The following PCDH15 variants were observed in gnomAD, a reference collection of about 807,000 sequenced individuals.
PCDH15 encodes the protein protocadherin related 15.
In PCDH15, 129 loss-of-function variants were observed where a neutral mutation model predicts 178.5. The observed-to-expected ratio is 0.72, with a 90% confidence interval of 0.63 to 0.84. The LOEUF (loss-of-function observed/expected upper bound fraction) is 0.84. PCDH15 is among the 40% of genes least tolerant of loss of function. The probability of loss-of-function intolerance (pLI) is 0.00; values close to 1 mark genes in which losing one functional copy is unlikely to be tolerated. For synonymous variants in PCDH15, 800 were observed against 732.0 expected (o/e 1.09, Z -1.50); for missense variants, 2,230 against 2,099.9 (o/e 1.06, Z -1.21).
chr10:54,317,327 T>C lies in PCDH15; in HGVS notation c.820A>G (p.Thr274Ala), dbSNP rs1300869851. 1.2e-6 allele frequency: 2 copies of C among 1,613,778 alleles called. No homozygotes were observed. Among genetic ancestry groups the C allele is most frequent in the Non-Finnish European group, 1.7e-6 (2 of 1,179,890 alleles). ...TAAGTGAGTGGACGGCAATCACGAG[T>C]GTTTGGCACAAGGACACAAGGAAGA... ...MFLPCVLVPN[T>A]RDCRPLTYQA... Residue 274 changes from threonine (T) to alanine (A), a missense_variant, in exon 8 of 38, where the codon ACT becomes GCT. Coordinates refer to ENST00000644397, the MANE Select transcript of PCDH15 (RefSeq NM_001384140.1).
At chr10:54,807,309 A>T (rs920422723) in intron 3 of PCDH15, among the ~76,000 whole-genome samples, 1 of 152,208 alleles carries the variant, frequency 6.6e-6, no homozygotes, top group Admixed American at 6.5e-5. Context: ...GAGAAAAAAG[A>T]ATAATATGAG....
chr10:54,926,794 T>C (rs1837639364), intron 2 of PCDH15, among the ~76,000 whole-genome samples: 2 of 152,108 alleles, frequency 1.3e-5, no homozygotes, highest in Non-Finnish European at 2.9e-5. Context: ...AGGTCTCTGG[T>C]AATATCCCAT....
At chr10:54,140,410 C>T (rs1012563978) in intron 14 of PCDH15, among the ~76,000 whole-genome samples, 2 of 151,112 alleles carry the variant, frequency 1.3e-5, no homozygotes, top group African/African-American at 2.4e-5. Context: ...CTGGGTAACA[C>T]TGTAAAGCCA....
chr10:54,722,173 A>G (rs1941729033), intron 1 of PCDH15, among the ~76,000 whole-genome samples: 1 of 151,830 alleles, frequency 6.6e-6, no homozygotes, highest in Admixed American at 6.6e-5. Flanking sequence ...ACACCCCTTT[A>G]TGATGAAAAC....
intron 2 of PCDH15, among the ~76,000 whole-genome samples, chr10:55,335,200 C>A (rs1844350305): frequency 6.6e-6 from 1 of 152,050 alleles, no homozygotes; most frequent in African/African-American, 2.4e-5. Flanking sequence ...ATAAGTTAAT[C>A]AATGACCTCC....
At chr10:54,829,066 G>A (rs1953180118) in intron 3 of PCDH15, among the ~76,000 whole-genome samples, 1 of 151,840 alleles carries the variant, frequency 6.6e-6, no homozygotes, top group Non-Finnish European at 1.5e-5. Context: ...AAGAGGGAGA[G>A]GAAATTAGGT....
chr10:54,251,712 T>A (rs1792147562), intron 8 of PCDH15, among the ~76,000 whole-genome samples: 1 of 152,184 alleles, frequency 6.6e-6, no homozygotes, highest in Admixed American at 6.5e-5. Context: ...CTACTACCAT[T>A]GTCCTATCAA....
chr10:55,513,045 T>C (rs1005549597), intron 2 of PCDH15: 3 of 152,150 alleles, frequency 2.0e-5, no homozygotes, highest in Admixed American at 6.6e-5. Context: ...TGGTGATTAA[T>C]TGATTGACTG....
rs375851741 is a variant in PCDH15, at chr10:53,931,058, G to C, written c.3373+7757C>G. Among the ~76,000 whole-genome samples, 581 of 152,290 alleles carry C rather than the reference G, an allele frequency of 3.8e-3. 1 individual carries two copies. The highest frequency in any genetic ancestry group is 0.014 in the African/African-American group (566 of 41,564). On this transcript the variant is annotated intron_variant, in intron 25 of 37. Transcript: ENST00000644397. The stretch of plus-strand genomic sequence containing the variant: ...AGAGATAAAATGTAGGGAGTCTAGA[G>C]GGCCAGAAAGTTTGAGTGCAGGAAG...
At chr10:53,940,238 C>T (rs949974298) in intron 24 of PCDH15, among the ~76,000 whole-genome samples, 18 of 152,062 alleles carry the variant, frequency 1.2e-4, no homozygotes, top group Admixed American at 9.2e-4. Flanking sequence ...ACAGGTAAAA[C>T]AAAAATTAAT....
chr10:55,580,586 C>A (rs942514931), intron 2 of PCDH15, among the ~76,000 whole-genome samples: 1 of 151,982 alleles, frequency 6.6e-6, no homozygotes, highest in Admixed American at 6.6e-5. Flanking sequence ...TGGTCTCAAA[C>A]GCCTGACCTC....
At chr10:54,094,058 G>A (rs1164996024) in intron 15 of PCDH15, among the ~76,000 whole-genome samples, 2 of 152,104 alleles carry the variant, frequency 1.3e-5, no homozygotes, top group Non-Finnish European at 1.5e-5. Flanking sequence ...GGAGATTCTG[G>A]AGCCAGCTAC....
At chr10:54,220,729 G>T (rs918904791) in intron 9 of PCDH15, among the ~76,000 whole-genome samples, 1 of 151,766 alleles carries the variant, frequency 6.6e-6, no homozygotes, top group Non-Finnish European at 1.5e-5. Flanking sequence ...GGAGGCTGAC[G>T]CAGGAGAATG....
intron 26 of PCDH15, among the ~76,000 whole-genome samples, chr10:53,878,495 A>C (rs953785284): frequency 7.2e-6 from 1 of 139,844 alleles, no homozygotes; most frequent in African/African-American, 2.9e-5. Flanking sequence ...TAAATATATA[A>C]TATATTATAT....
chr10:54,268,871 C>G lies in PCDH15; in HGVS notation c.877-31940G>C, dbSNP rs532708739. 1.1e-4 allele frequency among the ~76,000 whole-genome samples: 16 copies of G among 151,916 alleles called. 1 individual carries two copies. In the East Asian group the frequency reaches 3.1e-3, roughly 29 times the overall value. ...ATGAACAGGATTTTTCAATAACTAT[C>G]AGACGAAGAATGTCTATGACTTATT... On this transcript the variant is annotated intron_variant, in intron 8 of 37. Transcript: ENST00000644397.
intron 2 of PCDH15, among the ~76,000 whole-genome samples, chr10:54,543,230 G>A (rs962014050): frequency 5.3e-5 from 8 of 152,168 alleles, no homozygotes; most frequent in African/African-American, 1.7e-4. Context: ...CGTGTGATCC[G>A]ATTCTTCCAG....
chr10:53,943,358 C>T (rs1253032952), intron 23 of PCDH15, among the ~76,000 whole-genome samples: 1 of 151,882 alleles, frequency 6.6e-6, no homozygotes, highest in Non-Finnish European at 1.5e-5. Flanking sequence ...CTCCTATAGT[C>T]CCAGCTACTC....
rs534130575 is a variant in PCDH15 at position 53,924,298 on chromosome 10, C to A, written c.3373+14517G>T. Among the ~76,000 whole-genome samples, 3 of 152,346 alleles carry A rather than the reference C, an allele frequency of 2.0e-5. No homozygotes were observed. The South Asian group carries it at 6.2e-4, about 32-fold the overall frequency. On this transcript the variant is annotated intron_variant, in intron 25 of 37. Transcript: ENST00000644397. ...GAGCGGCCGGCTGGCACCGTGGGCCCCAGGCAGTGAGGGGCTTAGCACCCA... is the reference window on the plus strand; with the variant it reads ...GAGCGGCCGGCTGGCACCGTGGGCCACAGGCAGTGAGGGGCTTAGCACCCA...
chr10:54,256,815 A>C (rs1005340070), intron 8 of PCDH15, among the ~76,000 whole-genome samples: 1 of 152,120 alleles, frequency 6.6e-6, no homozygotes, highest in African/African-American at 2.4e-5. Context: ...TCCTTAGAGA[A>C]GCTTCACTGA....
Sources: gnomAD v4.1 joint callset for allele counts (sites outside exome capture counted in the v4.1 genomes callset) on GRCh38, gnomAD v4.1.1 for gene constraint, MANE v1.5 for transcripts, NCBI Gene and HGNC (gene_info 2026-07-23, HGNC 2026-07-21) for gene names.